ADGRL2: variants seen among roughly 807,000 people sequenced by gnomAD.
ADGRL2 encodes calcium-independent alpha-latrotoxin receptor 2.
ADGRL2 carries 44 observed loss-of-function variants against 157.4 expected under a neutral mutation model. The observed-to-expected ratio is 0.28, with a 90% CI of 0.22 to 0.36. ADGRL2 has a LOEUF of 0.36. Ranked by LOEUF, ADGRL2 falls within the 10% of genes least tolerant of loss-of-function variation. The pLI, the probability that ADGRL2 is intolerant of heterozygous loss-of-function variation, is 1.00. For synonymous variants in ADGRL2, 585 were observed against 624.7 expected (o/e 0.94, Z 0.95); for missense variants, 1,510 against 1,768.9 (o/e 0.85, Z 2.63).
At chr1:81,838,052 A>G (rs1399465050) in intron 2 of ADGRL2, among the ~76,000 whole-genome samples, 1 of 152,042 alleles carries the variant, frequency 6.6e-6, no homozygotes, top group Non-Finnish European at 1.5e-5. Context: ...TGTACTTTTA[A>G]GTGATCTCAC....
chr1:81,448,645 T>C (rs1044689615), intron 2 of ADGRL2, among the ~76,000 whole-genome samples: 1 of 151,924 alleles, frequency 6.6e-6, no homozygotes, highest in African/African-American at 2.4e-5. Flanking sequence ...AGACAGGAGT[T>C]AGAGACATGC....
intron 2 of ADGRL2, among the ~76,000 whole-genome samples, chr1:81,521,876 G>A (rs1261691469): frequency 6.6e-6 from 1 of 151,850 alleles, no homozygotes; most frequent in Non-Finnish European, 1.5e-5. Context: ...ATTAACCTCT[G>A]TCTGCTATGG....
intron 1 of ADGRL2, among the ~76,000 whole-genome samples, chr1:81,391,802 T>C (rs1006130671): frequency 1.3e-5 from 2 of 152,172 alleles, no homozygotes; most frequent in Admixed American, 6.5e-5. Flanking sequence ...AAATAAGAAA[T>C]GGAGGCTATC....
chr1:81,480,915 T>C (rs2078372918), intron 2 of ADGRL2, among the ~76,000 whole-genome samples: 1 of 152,228 alleles, frequency 6.6e-6, no homozygotes. Flanking sequence ...CTTACAGTTA[T>C]GAAGAAATTC....
At chr1:81,502,996 G>A (rs2078888199) in intron 2 of ADGRL2, 5 of 1,613,210 alleles carry the variant, frequency 3.1e-6, no homozygotes, top group Non-Finnish European at 4.2e-6. Context: ...AAATCGTCTG[G>A]CTGTGCCCGT....
chr1:81,388,398 T>C (rs1286480199), intron 1 of ADGRL2, among the ~76,000 whole-genome samples: 5 of 152,208 alleles, frequency 3.3e-5, no homozygotes, highest in Non-Finnish European at 7.4e-5. Context: ...ACCAAAACAA[T>C]GCATAGTGAA....
chr1:81,980,815 G>A (rs769726172), intron 18 of ADGRL2: 4 of 714,002 alleles, frequency 5.6e-6, no homozygotes, highest in South Asian at 1.6e-5. Context: ...GTTTGTGATG[G>A]CTACTATAAT....
chr1:81,723,080 T>C, intron 1 of ADGRL2: 1 of 717,636 alleles, frequency 1.4e-6, no homozygotes, highest in Non-Finnish European at 2.5e-6. Context: ...AGTGCCCTTC[T>C]GATAAATAAA....
intron 2 of ADGRL2, among the ~76,000 whole-genome samples, chr1:81,501,493 C>T (rs970670293): frequency 8.5e-5 from 13 of 152,204 alleles, no homozygotes; most frequent in Non-Finnish European, 1.9e-4. Context: ...GAAAATGTGT[C>T]GTATGCCTTA....
intron 6 of ADGRL2, among the ~76,000 whole-genome samples, chr1:81,946,183 T>C (rs1400518625): frequency 1.3e-5 from 2 of 152,176 alleles, no homozygotes; most frequent in African/African-American, 2.4e-5. Context: ...AAGGCATAAA[T>C]TGTGCTATAA....
At chr1:81,360,821 T>A (rs1408635832) in intron 1 of ADGRL2, among the ~76,000 whole-genome samples, 1 of 151,988 alleles carries the variant, frequency 6.6e-6, no homozygotes, top group Non-Finnish European at 1.5e-5. Flanking sequence ...GCATCCTTTA[T>A]CTTTTATATT....
At chr1:81,397,512 GGTTTCACTGT>G (rs1292359959) in intron 1 of ADGRL2, among the ~76,000 whole-genome samples, 3 of 151,664 alleles carry the variant, frequency 2.0e-5, no homozygotes, top group African/African-American at 7.3e-5. Context: ...GTAGAGACGG[GGTTTCACTGT>G]GTTAGCCAGG....
At chr1:81,970,147 G>A (rs1658295099) in intron 15 of ADGRL2, among the ~76,000 whole-genome samples, 167 bp from the exon 16 acceptor site, 1 of 152,060 alleles carries the variant, frequency 6.6e-6, no homozygotes, top group African/African-American at 2.4e-5. Context: ...AGGGTTTTTA[G>A]CTTGTTTCCA....
intron 2 of ADGRL2, among the ~76,000 whole-genome samples, chr1:81,767,625 A>G (rs1417361589): frequency 6.6e-6 from 1 of 152,062 alleles, no homozygotes; most frequent in Non-Finnish European, 1.5e-5. Flanking sequence ...TAATCTTAGC[A>G]CTTTGGGAGG....
intron 3 of ADGRL2, among the ~76,000 whole-genome samples, chr1:81,931,430 T>C (rs1394882342): frequency 6.6e-6 from 1 of 152,156 alleles, no homozygotes; most frequent in East Asian, 1.9e-4. Context: ...AAAATTGTAG[T>C]CAGAAAGTTG....
chr1:81,908,333 T>A (rs1292839611), intron 3 of ADGRL2, among the ~76,000 whole-genome samples: 1 of 152,208 alleles, frequency 6.6e-6, no homozygotes, highest in African/African-American at 2.4e-5. Context: ...CCTCTTATCC[T>A]CCTAACTACT....
chr1:81,429,048 A>G lies in ADGRL2; in HGVS notation c.-301-15988A>G, dbSNP rs12092531. On this transcript the variant is annotated intron_variant, in intron 1 of 24. Coordinates refer to the ADGRL2 transcript ENST00000370721. The stretch of plus-strand genomic sequence containing the variant: ...GAAGAAGTCTGAACCACCTATTCAC[A>G]TTCCCATATAGCATAAGAAATTTGA... Among the ~76,000 whole-genome samples, 527 of 152,146 alleles carry G rather than the reference A, an allele frequency of 3.5e-3. 2 individuals are homozygous for G. The highest frequency in any genetic ancestry group is 0.012 in the African/African-American group (505 of 41,492).
upstream of ADGRL2, chr1:81,800,339 C>G (rs1394009096): frequency 6.6e-6 from 1 of 152,146 alleles, no homozygotes; most frequent in Non-Finnish European, 1.5e-5. Context: ...TCTCAGGTAT[C>G]AAAGACGCAT....
chr1:81,413,690 T>G (rs1231255171), intron 1 of ADGRL2, among the ~76,000 whole-genome samples: 2 of 152,190 alleles, frequency 1.3e-5, no homozygotes, highest in Non-Finnish European at 2.9e-5. Flanking sequence ...AGGTCAGTAG[T>G]TCACTGATTT....
Sources: gnomAD v4.1 joint callset for allele counts (sites outside exome capture counted in the v4.1 genomes callset) on GRCh38, gnomAD v4.1.1 for gene constraint, MANE v1.5 for transcripts, NCBI Gene and HGNC (gene_info 2026-07-23, HGNC 2026-07-21) for gene names.